Variants in DOCK1 observed in about 807,000 individuals in gnomAD.
DOCK1 encodes the protein dedicator of cytokinesis 1.
In DOCK1, 138 loss-of-function variants were observed where a neutral mutation model predicts 262.7. That is an observed-to-expected ratio of 0.53 (90% CI 0.46 to 0.61). The LOEUF (loss-of-function observed/expected upper bound fraction) is 0.61. Ranked by LOEUF, DOCK1 falls within the 20% of genes least tolerant of loss-of-function variation. The pLI is 0.00. For missense variants in DOCK1, 1,908 were observed against 2,370.7 expected, an observed-to-expected ratio of 0.80 and a Z score of 4.05; for synonymous variants, 866 against 867.4, an observed-to-expected ratio of 1.00 and a Z score of 0.03.
At chr10:126,940,105 T>C (rs2034876499) in intron 1 of DOCK1, among the ~76,000 whole-genome samples, 1 of 152,212 alleles carries the variant, frequency 6.6e-6, no homozygotes, top group Admixed American at 6.5e-5. Flanking sequence ...CAAATGATGT[T>C]TTTGCCTCTA....
chr10:127,450,737 C>T (rs946234718), intron 51 of DOCK1, among the ~76,000 whole-genome samples: 8 of 152,070 alleles, frequency 5.3e-5, no homozygotes, highest in Non-Finnish European at 1.0e-4. Context: ...TAATATATGC[C>T]CATGAGCTGA....
chr10:127,257,478 T>C lies in DOCK1; in HGVS notation c.3044+49T>C, dbSNP rs2059866691. On this transcript the variant is annotated intron_variant, in intron 29 of 51. Transcript: ENST00000623213. ...CACCTTTTCTATGGCTCCCAATTCATGTCTGCTGGGAACAGTGGTGTTGCC... is the reference window on the plus strand; with the variant it reads ...CACCTTTTCTATGGCTCCCAATTCACGTCTGCTGGGAACAGTGGTGTTGCC... 3 of 1,518,530 alleles carry C rather than the reference T, an allele frequency of 2.0e-6. No homozygotes were observed. In the East Asian group the frequency reaches 7.2e-5, roughly 36 times the overall value. The allele number at this position is 1,518,530 out of a possible 1,614,324, so 94.1% of individuals were successfully genotyped here. A position where few individuals can be genotyped will look rare whatever the true frequency, so the allele number is the denominator to read the frequency against.
At chr10:126,963,669 T>C (rs906197720) in intron 1 of DOCK1, among the ~76,000 whole-genome samples, 1,321 of 109,804 alleles carry the variant, frequency 0.012, 66 homozygotes, top group African/African-American at 0.024. Context: ...CTTCCTTCCT[T>C]CCTCCCTCCC....
chr10:127,374,203 G>A lies in DOCK1; in HGVS notation c.3664G>A (p.Val1222Ile), dbSNP rs952439430. The A allele has an allele frequency of 1.2e-6, 2 of 1,609,346 alleles. No homozygotes were observed. The highest frequency in any genetic ancestry group is 1.3e-5 in the African/African-American group (1 of 74,660). ...ENKENRMSCT[V>I]NVLNFYKEIE... is the part of the protein sequence containing the mutation. ...CAAAGAAAACCGCATGAGCTGCACC[G>A]TCAATGTGCTGGTGAGTGAAAGCTT... Residue 1222 changes from valine (V) to isoleucine (I), a missense_variant, in exon 35 of 52, where the codon GTC (valine) becomes ATC (isoleucine). Transcript: ENST00000623213.
chr10:126,970,669 A>G lies in DOCK1; in HGVS notation c.47-33A>G, dbSNP rs372625938. On this transcript the variant is annotated intron_variant, in intron 1 of 51. Coordinates refer to ENST00000623213, the MANE Select transcript of DOCK1 (RefSeq NM_001290223.2). ...CAGCATGGTCACTTCTATCTTTACT[A>G]TTACTAATATATTTCCCCTTTTTTC... is the stretch of plus-strand genomic sequence containing the variant. 178 of 1,535,072 alleles carry G rather than the reference A, an allele frequency of 1.2e-4. 1 individual carries two copies. Among genetic ancestry groups the G allele is most frequent in the South Asian group, 2.8e-4 (25 of 88,420 alleles).
At chr10:127,008,690 G>A in intron 10 of DOCK1, 42 bp from the exon 11 acceptor site, 2 of 1,499,770 alleles carry the variant, frequency 1.3e-6, no homozygotes, top group Non-Finnish European at 1.8e-6. Context: ...TGTGATTATA[G>A]CATTTAAGCC....
chr10:127,083,406 C>T (rs925557422), intron 23 of DOCK1, among the ~76,000 whole-genome samples: 2 of 152,158 alleles, frequency 1.3e-5, no homozygotes, highest in African/African-American at 2.4e-5. Context: ...TGGGTGCCAG[C>T]GATCTCCCCA....
chr10:127,179,950 C>T (rs577529875), intron 27 of DOCK1, among the ~76,000 whole-genome samples: 3 of 152,276 alleles, frequency 2.0e-5, no homozygotes, highest in Admixed American at 2.0e-4. Flanking sequence ...ACTATTGATA[C>T]CCTCATACTG....
chr10:127,100,067 C>T lies in DOCK1; in HGVS notation c.2446-6164C>T, dbSNP rs1252127834. 2.1e-4 allele frequency among the ~76,000 whole-genome samples: 32 copies of T among 152,102 alleles called. No homozygotes were observed. The highest frequency in any genetic ancestry group is 2.0e-3 in the Admixed American group (30 of 15,280). On this transcript the variant is annotated intron_variant, in intron 23 of 51. Transcript: ENST00000623213. This position sits in a 1 kb window ranked among gnomAD's most constrained non-coding sequence, Gnocchi z 5.5. ...TGAGTCTGGGGTGGTGGGGCCAGAG[C>T]CCATGGCCCTCCATGGGTGTGGGAT...
intron 1 of DOCK1, among the ~76,000 whole-genome samples, chr10:126,940,328 G>A (rs1458763204): frequency 6.6e-6 from 1 of 152,222 alleles, no homozygotes; most frequent in Non-Finnish European, 1.5e-5. Context: ...AAACCATTCT[G>A]TTTATTCTTT....
At chr10:126,915,895 C>T (rs1349257682) in intron 1 of DOCK1, among the ~76,000 whole-genome samples, 3 of 151,856 alleles carry the variant, frequency 2.0e-5, no homozygotes, top group African/African-American at 4.8e-5. Context: ...TAATGAGAAC[C>T]GTGTCTTTGT....
Position 127,175,451 on chromosome 10 carries a change from G to A in DOCK1, c.2847+47687G>A, listed in dbSNP as rs1186789199. 1.9e-6 allele frequency: 3 copies of A among 1,611,656 alleles called. No homozygotes were observed. The East Asian group carries it at 6.7e-5, about 36-fold the overall frequency. On this transcript the variant is annotated intron_variant, in intron 27 of 51. Coordinates refer to ENST00000623213, the MANE Select transcript of DOCK1 (RefSeq NM_001290223.2). This position sits in a 1 kb window ranked among gnomAD's most constrained non-coding sequence, Gnocchi z 6.3. Reference sequence around the variant, plus strand: ...GCGACGGCTGCTCACTACATTCGGGGGACAGGCACTGCATCGGGGGTGAGC... The same window carrying A: ...GCGACGGCTGCTCACTACATTCGGGAGACAGGCACTGCATCGGGGGTGAGC...
At chr10:126,938,850 CCAGA>C (rs2034749278) in intron 1 of DOCK1, among the ~76,000 whole-genome samples, 2 of 117,052 alleles carry the variant, frequency 1.7e-5, no homozygotes, top group African/African-American at 7.6e-5. Flanking sequence ...GGGATGAACA[CCAGA>C]GGGGATGAGC....
intron 3 of DOCK1, among the ~76,000 whole-genome samples, chr10:126,980,518 T>C (rs944297677): frequency 3.3e-5 from 5 of 152,150 alleles, no homozygotes; most frequent in African/African-American, 1.2e-4. Flanking sequence ...TGTTTGTTGC[T>C]CAGCCTCTGA....
intron 31 of DOCK1, 108 bp downstream of exon 31, chr10:127,343,854 G>A (rs149753755): frequency 5.7e-4 from 521 of 917,530 alleles, no homozygotes; most frequent in Non-Finnish European, 7.4e-4. Flanking sequence ...ATGTAATCAC[G>A]GTGTAATGAA....
chr10:127,441,324 G>A (rs2070113821), intron 49 of DOCK1, among the ~76,000 whole-genome samples: 1 of 152,200 alleles, frequency 6.6e-6, no homozygotes, highest in Admixed American at 6.5e-5. Flanking sequence ...CCCCACGGCT[G>A]GCCCTAGCAC....
chr10:126,922,078 G>A (rs1179002823), intron 1 of DOCK1, among the ~76,000 whole-genome samples: 5 of 151,808 alleles, frequency 3.3e-5, no homozygotes, highest in African/African-American at 1.2e-4. Flanking sequence ...CAGGCGTGGT[G>A]GCACACACCT....
rs779014762 is a variant in DOCK1, at chr10:127,373,842, A to G, written c.3494A>G (p.Gln1165Arg). The G allele has an allele frequency of 1.2e-5, 20 of 1,610,334 alleles. No individual in the cohort carries two copies. The South Asian group carries it at 2.1e-4, about 17-fold the overall frequency. The change falls in exon 34 of 52, where the codon CAG (glutamine) becomes CGG (arginine). Residue 1165 changes from glutamine to arginine, a missense_variant. Physicochemically the swap from Gln to Arg is conservative, Grantham distance 43. Coordinates refer to ENST00000623213, the MANE Select transcript of DOCK1 (RefSeq NM_001290223.2). ...HEVEGGRGDE[Q>R]YKVLFDKILL... ...GTCGAAGGAGGCAGAGGAGACGAACAGTACAAAGTGTTATTTGATAAAATG... is the reference window on the plus strand; with the variant it reads ...GTCGAAGGAGGCAGAGGAGACGAACGGTACAAAGTGTTATTTGATAAAATG...
chr10:127,115,988 T>C lies in DOCK1; in HGVS notation c.2623+5634T>C, dbSNP rs930609785. On this transcript the variant is annotated intron_variant, in intron 25 of 51. Transcript: ENST00000623213. ...CATTTTGTCCTCACTTAGTTTGTTT[T>C]GGATGGGAGTATGAGACTTTGAGAG... Among the ~76,000 whole-genome samples the C allele has an allele frequency of 3.9e-5, 6 of 152,228 alleles. No homozygotes were observed. In the East Asian group the frequency reaches 9.6e-4, roughly 24 times the overall value.
Sources: gnomAD v4.1 joint callset for allele counts (sites outside exome capture counted in the v4.1 genomes callset) on GRCh38, gnomAD v4.1.1 for gene constraint, Gnocchi (gnomAD v3.1) non-coding constraint, MANE v1.5 for transcripts, NCBI Gene and HGNC (gene_info 2026-07-23, HGNC 2026-07-21) for gene names.